The following GALNT18 variants were observed in gnomAD, a reference collection of about 807,000 sequenced individuals.
The protein encoded by GALNT18 is polypeptide N-acetylgalactosaminyltransferase 18.
Under a neutral mutation model 69.5 loss-of-function variants are expected in GALNT18, and 44 were observed. That is an observed-to-expected ratio of 0.63 (90% confidence interval 0.50 to 0.81). The LOEUF (loss-of-function observed/expected upper bound fraction) is 0.81. Ranked by LOEUF, GALNT18 falls within the 40% of genes least tolerant of loss-of-function variation. The probability of loss-of-function intolerance (pLI) is 0.00; values close to 1 mark genes in which losing one functional copy is unlikely to be tolerated. For synonymous variants in GALNT18, 364 were observed against 318.2 expected (o/e 1.14, Z -1.53); for missense variants, 715 against 810.0 (o/e 0.88, Z 1.42).
At chr11:11,433,220 A>C (rs114003807) in intron 2 of GALNT18, among the ~76,000 whole-genome samples, 30 of 152,370 alleles carry the variant, frequency 2.0e-4, no homozygotes, top group African/African-American at 7.0e-4. Context: ...CAGGAGACAA[A>C]GACGCCTCCT....
intron 1 of GALNT18, among the ~76,000 whole-genome samples, chr11:11,567,818 T>TCCTAGGGAGATAAACATCCTATATA (rs1200154081): frequency 1.3e-5 from 2 of 152,232 alleles, no homozygotes; most frequent in Non-Finnish European, 2.9e-5. Flanking sequence ...AAAGACTATG[T>TCCTAGGGAGATAAACATCCTATATA]CCTAGGGAGA....
intron 6 of GALNT18, among the ~76,000 whole-genome samples, chr11:11,362,317 C>T (rs1850660726): frequency 1.3e-5 from 2 of 151,986 alleles, no homozygotes; most frequent in African/African-American, 4.8e-5. Context: ...AAAAAGTTTG[C>T]TTACATTAAA....
At chr11:11,547,154 C>A (rs554006014) in intron 1 of GALNT18, among the ~76,000 whole-genome samples, 2 of 152,150 alleles carry the variant, frequency 1.3e-5, no homozygotes, top group African/African-American at 2.4e-5. Context: ...AGGTGCACAA[C>A]AAATGACAGC....
At position 11,562,720 on chromosome 11, in the gene GALNT18, G is replaced by A. The variant is rs1418797515; in HGVS notation, c.235+58639C>T. Among the ~76,000 whole-genome samples, 1 of 152,144 alleles carries A rather than the reference G, an allele frequency of 6.6e-6. No homozygotes were observed. The highest frequency in any genetic ancestry group is 1.5e-5 in the Non-Finnish European group (1 of 68,024). ...ATTATGAAATTCCGTAGGGAGAAAG[G>A]CTCAACCACGCATTAAGTTCCTCCA... On this transcript the variant is annotated intron_variant, in intron 1 of 10. Transcript: ENST00000227756. The surrounding 1 kb of genome is among the most constrained non-coding windows in gnomAD (Gnocchi z 4.1).
intron 10 of GALNT18, among the ~76,000 whole-genome samples, chr11:11,281,407 G>C (rs769710619): frequency 6.6e-6 from 1 of 152,198 alleles, no homozygotes; most frequent in Non-Finnish European, 1.5e-5. Flanking sequence ...GGATCAGGGT[G>C]GGGGCTGTGA....
chr11:11,383,724 A>C lies in GALNT18; in HGVS notation c.596-4460T>G, dbSNP rs1207005227. 6.6e-6 allele frequency among the ~76,000 whole-genome samples: 1 copy of C among 152,124 alleles called. No individual in the cohort carries two copies. The highest frequency in any genetic ancestry group is 1.5e-5 in the Non-Finnish European group (1 of 68,018). ...CTTGAATTGTAATCCCCATGTGTTA[A>C]GGTGATTGCATCATGGGGGCAGTTT... On this transcript the variant is annotated intron_variant, in intron 3 of 10. Coordinates refer to ENST00000227756, the MANE Select transcript of GALNT18 (RefSeq NM_198516.3). The surrounding 1 kb of genome is among the most constrained non-coding windows in gnomAD (Gnocchi z 5.2).
At chr11:11,295,612 C>A (rs1234956733) in intron 9 of GALNT18, among the ~76,000 whole-genome samples, 3 of 152,022 alleles carry the variant, frequency 2.0e-5, no homozygotes, top group African/African-American at 7.3e-5. Flanking sequence ...TTGAAATGTT[C>A]CATAACGTCA....
In GALNT18 at chr11:11,448,741, C is replaced by T. The variant is rs373732736; in HGVS notation, c.428+3G>A. The T allele has an allele frequency of 8.1e-6, 13 of 1,607,410 alleles. No individual in the cohort carries two copies. The highest frequency in any genetic ancestry group is 1.3e-5 in the African/African-American group (1 of 74,858). Reference sequence around the variant, plus strand: ...CAAGGGCCCAGTCACTGACTCTGCTCACCCACTGGGTCTGAGGTCAGGCAG... The same window carrying T: ...CAAGGGCCCAGTCACTGACTCTGCTTACCCACTGGGTCTGAGGTCAGGCAG... On this transcript the variant is annotated splice_donor_region_variant and intron_variant, in intron 2 of 10. Transcript: ENST00000227756.
At chr11:11,416,981 C>G (rs922218873) in intron 3 of GALNT18, among the ~76,000 whole-genome samples, 1 of 152,212 alleles carries the variant, frequency 6.6e-6, no homozygotes, top group Non-Finnish European at 1.5e-5. Flanking sequence ...GACCCTTCCT[C>G]TATGTGACTC....
intron 10 of GALNT18, among the ~76,000 whole-genome samples, chr11:11,282,045 CTCT>C (rs1849087052): frequency 2.6e-5 from 4 of 152,120 alleles, no homozygotes. Context: ...GATGCTGGAG[CTCT>C]TCAACAAAAA....
Position 11,572,528 on chromosome 11 carries a change from G to A in GALNT18, c.235+48831C>T, listed in dbSNP as rs575070297. Among the ~76,000 whole-genome samples, 5 of 152,244 alleles carry A rather than the reference G, an allele frequency of 3.3e-5. No individual in the cohort carries two copies. The South Asian group carries it at 8.3e-4, about 25-fold the overall frequency. ...GGATGTGAACTTGGGCATGAGTCAG[G>A]GCCCTGGCTCCGCTACAGTCGCTCC... On this transcript the variant is annotated intron_variant, in intron 1 of 10. Coordinates refer to ENST00000227756, the MANE Select transcript of GALNT18 (RefSeq NM_198516.3).
intron 3 of GALNT18, among the ~76,000 whole-genome samples, chr11:11,384,095 T>G (rs1456804153): frequency 6.6e-6 from 1 of 152,110 alleles, no homozygotes; most frequent in Non-Finnish European, 1.5e-5. Context: ...CTCAACAAGG[T>G]ACTAATCTAG....
At chr11:11,317,195 C>G (rs1433717586) in intron 9 of GALNT18, among the ~76,000 whole-genome samples, 1 of 152,244 alleles carries the variant, frequency 6.6e-6, no homozygotes, top group Non-Finnish European at 1.5e-5. Flanking sequence ...TAGTTACCCT[C>G]TGCTTTCTCC....
chr11:11,305,927 T>G (rs1379310261), intron 9 of GALNT18, among the ~76,000 whole-genome samples: 3 of 152,224 alleles, frequency 2.0e-5, no homozygotes, highest in African/African-American at 7.2e-5. Context: ...TTCATGCAGG[T>G]GCACTCCCTG....
At chr11:11,535,747 T>C (rs1857758819) in intron 1 of GALNT18, among the ~76,000 whole-genome samples, 1 of 152,200 alleles carries the variant, frequency 6.6e-6, no homozygotes, top group South Asian at 2.1e-4. Context: ...GTGATGGTGC[T>C]TTCAGCTGCA....
chr11:11,427,073 C>T (rs1855148887), intron 3 of GALNT18, among the ~76,000 whole-genome samples: 1 of 152,238 alleles, frequency 6.6e-6, no homozygotes, highest in African/African-American at 2.4e-5. Context: ...AGCCACCACA[C>T]ACTGCCAAAT....
chr11:11,569,672 A>C (rs1858738855), intron 1 of GALNT18, among the ~76,000 whole-genome samples: 1 of 152,202 alleles, frequency 6.6e-6, no homozygotes, highest in Non-Finnish European at 1.5e-5. Flanking sequence ...GAAATGGCTG[A>C]ACAATACCCA....
In GALNT18 at chr11:11,340,977, C is replaced by A; in HGVS notation, c.1120G>T (p.Val374Phe). 1.2e-6 allele frequency: 2 copies of A among 1,605,446 alleles called. No individual in the cohort carries two copies. The highest frequency in any genetic ancestry group is 1.7e-6 in the Non-Finnish European group (2 of 1,174,668). ...RVWQCGGSVEVLPCSRIAHIE... is the reference protein window; with the variant it reads ...RVWQCGGSVEFLPCSRIAHIE... ...TGGGCAATCCGTGAGCAGGGCAGGA[C>A]CTCCACACTCCCGCCACACTGCCAC... The change falls in exon 7 of 11, where the codon GTC becomes TTC. Residue 374 changes from valine to phenylalanine, a missense_variant. Physicochemically the swap from Val to Phe is conservative, Grantham distance 50. Transcript: ENST00000227756. The surrounding 1 kb of genome is among the most constrained non-coding windows in gnomAD (Gnocchi z 4.2).
At chr11:11,276,947 A>T (rs1223858489) in intron 10 of GALNT18, among the ~76,000 whole-genome samples, 1 of 152,196 alleles carries the variant, frequency 6.6e-6, no homozygotes, top group African/African-American at 2.4e-5. Context: ...ATTGATGTTC[A>T]TCAGGGATAT....
Sources: gnomAD v4.1 joint callset for allele counts (sites outside exome capture counted in the v4.1 genomes callset) on GRCh38, gnomAD v4.1.1 for gene constraint, Gnocchi (gnomAD v3.1) non-coding constraint, MANE v1.5 for transcripts, NCBI Gene and HGNC (gene_info 2026-07-23, HGNC 2026-07-21) for gene names.